ABL2: variants seen among roughly 807,000 people sequenced by gnomAD.
ABL2 encodes tyrosine-protein kinase ABL2.
A neutral mutation model predicts 107.7 loss-of-function variants in ABL2; 49 were observed. That is an observed-to-expected ratio of 0.45 (90% confidence interval 0.36 to 0.58). ABL2 has a LOEUF of 0.58. ABL2 is among the 20% of genes least tolerant of loss of function. ABL2 has a pLI of 0.00. For synonymous variants in ABL2, 549 were observed against 548.6 expected, an observed-to-expected ratio of 1.00 and a Z score of -0.01; for missense variants, 1,245 against 1,457.0, an observed-to-expected ratio of 0.85 and a Z score of 2.37.
chr1:179,181,087 G>GCACT (rs1260430184), intron 1 of ABL2, among the ~76,000 whole-genome samples: 1 of 152,186 alleles, frequency 6.6e-6, no homozygotes, highest in African/African-American at 2.4e-5. Flanking sequence ...GTCTGTCCAG[G>GCACT]CATGCTGCTG....
At chr1:179,224,876 A>C (rs1663106627) in intron 1 of ABL2, among the ~76,000 whole-genome samples, 1 of 151,498 alleles carries the variant, frequency 6.6e-6, no homozygotes, top group Admixed American at 6.6e-5. Flanking sequence ...AAAACACAAA[A>C]TTACCCAGGT....
chr1:179,111,724 T>A (rs1654095925), intron 10 of ABL2, among the ~76,000 whole-genome samples: 1 of 152,168 alleles, frequency 6.6e-6, no homozygotes, highest in African/African-American at 2.4e-5. Flanking sequence ...AAGTTAAAGT[T>A]AACCTTTAAC....
In ABL2 at chr1:179,108,155, TC is replaced by T; in HGVS notation, c.3111del (p.Arg1038GlyfsTer3). On this transcript the variant is annotated frameshift_variant, in exon 12 of 12. Coordinates refer to ENST00000502732, the MANE Select transcript of ABL2 (RefSeq NM_007314.4). LOFTEE classifies it high-confidence loss of function. ...ACTTGAGGTGGAGGCATCACTGGCC[TC>T]CCAGCTTTCCCACTGATGGGCACTG... ...LGAVPISGKAGRPVMPPPQVP... is the reference protein window; with the variant it reads ...LGAVPISGKAXRPVMPPPQVP... 1.2e-6 allele frequency: 2 copies of T among 1,614,210 alleles called. No individual in the cohort carries two copies. The highest frequency in any genetic ancestry group is 1.7e-6 in the Non-Finnish European group (2 of 1,180,034).
intron 1 of ABL2, among the ~76,000 whole-genome samples, chr1:179,168,086 T>C (rs1659500487): frequency 6.6e-6 from 1 of 152,244 alleles, no homozygotes; most frequent in Admixed American, 6.5e-5. Flanking sequence ...TGTTCATGTA[T>C]ATTTTTAAAT....
chr1:179,210,616 G>A (rs548375898), intron 1 of ABL2, among the ~76,000 whole-genome samples: 1 of 151,836 alleles, frequency 6.6e-6, no homozygotes, highest in East Asian at 1.9e-4. Context: ...GCACTTTGAG[G>A]CCGAGGTGGG....
chr1:179,192,051 T>C (rs907486975), intron 1 of ABL2, among the ~76,000 whole-genome samples: 2 of 152,232 alleles, frequency 1.3e-5, no homozygotes, highest in Non-Finnish European at 2.9e-5. Context: ...GGTGACATTT[T>C]ACCATTCCCC....
rs1002915415 is a variant in ABL2 at position 179,229,230 on chromosome 1, G to A, written c.157+11C>T. The A allele has an allele frequency of 5.1e-6, 6 of 1,187,800 alleles. No homozygotes were observed. The highest frequency in any genetic ancestry group is 4.3e-6 in the Non-Finnish European group (4 of 940,150). The allele number at this position is 1,187,800 out of a possible 1,614,324, so 73.6% of individuals were successfully genotyped here. On this transcript the variant is annotated intron_variant, in intron 1 of 11. Transcript: ENST00000502732. ...CCCCACGCTCTCATGCCGGCTCCCA[G>A]ACACACTCACCATGCTGGGTGAAGA...
intron 1 of ABL2, among the ~76,000 whole-genome samples, chr1:179,134,735 C>G (rs1396082385): frequency 1.3e-5 from 2 of 151,272 alleles, no homozygotes; most frequent in East Asian, 3.9e-4. Context: ...TCTCCCTCTC[C>G]ACGGTCGCCC....
chr1:179,184,581 G>GGAGAAGAT (rs565810973), intron 1 of ABL2: 115 of 562,924 alleles, frequency 2.0e-4, no homozygotes, highest in African/African-American at 1.8e-3. Flanking sequence ...ATGAGGAGGA[G>GGAGAAGAT]GAGGAGGAGG....
At chr1:179,224,868 A>C (rs898246943) in intron 1 of ABL2, among the ~76,000 whole-genome samples, 69 of 151,786 alleles carry the variant, frequency 4.5e-4, no homozygotes, top group Non-Finnish European at 8.5e-4. Flanking sequence ...AAAAAAAAAA[A>C]ACACAAAATT....
At chr1:179,115,418 C>A (rs960197931) in intron 8 of ABL2, among the ~76,000 whole-genome samples, 1 of 152,140 alleles carries the variant, frequency 6.6e-6, no homozygotes, top group South Asian at 2.1e-4. Flanking sequence ...TCACAGTCAA[C>A]CAAGGTCCAA....
chr1:179,208,154 A>T (rs1400252189), intron 1 of ABL2, among the ~76,000 whole-genome samples: 1 of 152,134 alleles, frequency 6.6e-6, no homozygotes, highest in Admixed American at 6.6e-5. Flanking sequence ...TGTTATATAT[A>T]TATTTTTTCA....
chr1:179,133,488 A>G (rs1656545500), intron 1 of ABL2, 114 bp from the exon 2 acceptor site: 1 of 1,544,992 alleles, frequency 6.5e-7, no homozygotes. Context: ...TCAGGTCTCT[A>G]CCTACTTCTC....
intron 1 of ABL2, among the ~76,000 whole-genome samples, chr1:179,136,659 T>C (rs374317030): frequency 0.022 from 3,205 of 148,608 alleles, 66 homozygotes; most frequent in Middle Eastern, 0.052. Context: ...TATTGTCCTG[T>C]GACCCTGCCA....
In ABL2 at chr1:179,126,250, C is replaced by A. The variant is rs1028342349; in HGVS notation, c.687+127G>T. ...GCTCTAACATGCCAAAAAGCCCAAA[C>A]TCACAAAGCTAGTGAATATTTTATT... On this transcript the variant is annotated intron_variant, in intron 4 of 11. Transcript: ENST00000502732. The surrounding 1 kb of genome is among the most constrained non-coding windows in gnomAD (Gnocchi z 4.4). 15 of 1,160,340 alleles carry A rather than the reference C, an allele frequency of 1.3e-5. No homozygotes were observed. The South Asian group carries it at 2.5e-4, about 19-fold the overall frequency. The allele number at this position is 1,160,340 out of a possible 1,614,324, so 71.9% of individuals were successfully genotyped here. A position where few individuals can be genotyped will look rare whatever the true frequency, so the allele number is the denominator to read the frequency against.
At chr1:179,194,406 T>C (rs992436517) in intron 1 of ABL2, among the ~76,000 whole-genome samples, 14 of 152,192 alleles carry the variant, frequency 9.2e-5, no homozygotes, top group African/African-American at 3.4e-4. Context: ...GAGTGCTTCC[T>C]AAAGAGCCAG....
intron 1 of ABL2, among the ~76,000 whole-genome samples, chr1:179,204,323 G>A (rs769948884): frequency 2.6e-5 from 4 of 151,690 alleles, no homozygotes; most frequent in Non-Finnish European, 4.4e-5. Context: ...CACCACCTCC[G>A]GCAAAATATT....
chr1:179,184,948 A>C (rs1660598173), intron 1 of ABL2, among the ~76,000 whole-genome samples: 1 of 152,082 alleles, frequency 6.6e-6, no homozygotes, highest in African/African-American at 2.4e-5. Flanking sequence ...GTATGGAATC[A>C]CCACCACCTA....
At chr1:179,147,234 A>C (rs1658060728) in intron 1 of ABL2, among the ~76,000 whole-genome samples, 1 of 148,596 alleles carries the variant, frequency 6.7e-6, no homozygotes, top group Non-Finnish European at 1.5e-5. Context: ...AAGGATGCAG[A>C]GAAAAGGGAA....
Sources: gnomAD v4.1 joint callset for allele counts (sites outside exome capture counted in the v4.1 genomes callset) on GRCh38, gnomAD v4.1.1 for gene constraint, Gnocchi (gnomAD v3.1) non-coding constraint, MANE v1.5 for transcripts, NCBI Gene and HGNC (gene_info 2026-07-23, HGNC 2026-07-21) for gene names.